The following ICA1L variants were observed in gnomAD, a reference collection of about 807,000 sequenced individuals.
ICA1L encodes islet cell autoantigen 1 like, also known as islet cell autoantigen 1-like protein.
A neutral mutation model predicts 61.3 loss-of-function variants in ICA1L; 50 were observed. The observed-to-expected ratio is 0.82, with a 90% CI of 0.65 to 1.03. The LOEUF (loss-of-function observed/expected upper bound fraction) is 1.03. Among genes scored for constraint, ICA1L ranks in the 50% least tolerant of loss-of-function variants. ICA1L has a pLI of 0.00. For synonymous variants in ICA1L, 161 were observed against 191.3 expected (o/e 0.84, Z 1.31); for missense variants, 508 against 556.7 (o/e 0.91, Z 0.88).
At chr2:202,866,896 G>A (rs1490781155) in intron 1 of ICA1L, among the ~76,000 whole-genome samples, 29 of 152,104 alleles carry the variant, frequency 1.9e-4, no homozygotes, top group African/African-American at 1.4e-4. Context: ...GCAGTGAGCC[G>A]AGATCGTGCC....
chr2:202,859,030 A>G (rs1694838384), intron 1 of ICA1L, among the ~76,000 whole-genome samples: 1 of 152,202 alleles, frequency 6.6e-6, no homozygotes, highest in South Asian at 2.1e-4. Context: ...CCGCCCATTA[A>G]TTCAGAAATG....
intron 7 of ICA1L, 41 bp downstream of exon 7, chr2:202,815,870 G>A (rs774631209): frequency 8.7e-7 from 1 of 1,149,864 alleles, no homozygotes; most frequent in Non-Finnish European, 1.2e-6. Flanking sequence ...CCCAAATGAA[G>A]AGTAATACAT....
At chr2:202,848,323 T>C (rs898926259) in intron 1 of ICA1L, among the ~76,000 whole-genome samples, 2 of 152,168 alleles carry the variant, frequency 1.3e-5, no homozygotes, top group Non-Finnish European at 2.9e-5. Flanking sequence ...AGGCCATTTT[T>C]TACCTATAAA....
chr2:202,786,699 C>G (rs1692596113), intron 11 of ICA1L: 1 of 453,650 alleles, frequency 2.2e-6, no homozygotes, highest in Non-Finnish European at 4.4e-6. Context: ...GATCCCATTC[C>G]TAGCAATTTT....
At position 202,778,311 on chromosome 2, in the gene ICA1L, G is replaced by C. The variant is rs758809340; in HGVS notation, c.*1222C>G. ...ACAGGAAATTGAGTGATTGATGTGTGTGTACGGTAGCTACGTTTTTATCAG... is the reference window on the plus strand; with the variant it reads ...ACAGGAAATTGAGTGATTGATGTGTCTGTACGGTAGCTACGTTTTTATCAG... On this transcript the variant is annotated 3_prime_UTR_variant, in exon 13 of 13. Transcript: ENST00000358299. 24 of 152,180 alleles carry C rather than the reference G, an allele frequency of 1.6e-4. No homozygotes were observed. Among genetic ancestry groups the C allele is most frequent in the Non-Finnish European group, 2.9e-4 (20 of 68,024 alleles). The allele number at this position is 152,180 out of a possible 1,614,324, so 9.4% of individuals were successfully genotyped here. A position where few individuals can be genotyped will look rare whatever the true frequency, so the allele number is the denominator to read the frequency against.
intron 1 of ICA1L, chr2:202,840,685 G>A (rs1306462873): frequency 3.3e-6 from 2 of 598,510 alleles, no homozygotes; most frequent in South Asian, 1.4e-5. Context: ...GCTACGCCAT[G>A]TCCTGCTTGG....
chr2:202,850,166 G>T (rs1694580440), intron 1 of ICA1L, among the ~76,000 whole-genome samples: 1 of 152,108 alleles, frequency 6.6e-6, no homozygotes, highest in South Asian at 2.1e-4. Flanking sequence ...ATCAAAGGTA[G>T]ATAAATCCAC....
At chr2:202,809,229 A>G (rs1030230490) in intron 9 of ICA1L, among the ~76,000 whole-genome samples, 2 of 152,002 alleles carry the variant, frequency 1.3e-5, no homozygotes, top group Non-Finnish European at 2.9e-5. Context: ...CAGAAATTCC[A>G]GAGTTGAAAA....
chr2:202,803,339 C>T (rs1217956444), intron 9 of ICA1L, among the ~76,000 whole-genome samples: 1 of 131,316 alleles, frequency 7.6e-6, no homozygotes, highest in East Asian at 2.5e-4. Context: ...AGGCAGAGGT[C>T]GTAGTGAGCT....
Position 202,774,675 on chromosome 2 carries a change from G to C in ICA1L, c.*4858C>G, listed in dbSNP as rs1022348395. ...CCTAAGACATGGGCAGGAGCCTTTG[G>C]GTCAGGGAGAAGCACACAAGAAAAA... On this transcript the variant is annotated 3_prime_UTR_variant, in exon 13 of 13. Coordinates refer to ENST00000358299, the MANE Select transcript of ICA1L (RefSeq NM_001288622.3). 1 of 197,814 alleles carries C rather than the reference G, an allele frequency of 5.1e-6. No individual in the cohort carries two copies. Among genetic ancestry groups the C allele is most frequent in the Non-Finnish European group, 1.0e-5 (1 of 98,314 alleles). The allele number at this position is 197,814 out of a possible 1,614,324, so 12.3% of individuals were successfully genotyped here. A position where few individuals can be genotyped will look rare whatever the true frequency, so the allele number is the denominator to read the frequency against.
chr2:202,808,765 AC>A (rs1235683837), intron 9 of ICA1L, among the ~76,000 whole-genome samples: 2 of 152,188 alleles, frequency 1.3e-5, no homozygotes, highest in East Asian at 3.9e-4. Flanking sequence ...CTTACCCAAG[AC>A]CACCACGGCA....
chr2:202,832,114 A>G (rs1574362843), intron 1 of ICA1L, among the ~76,000 whole-genome samples: 1 of 152,330 alleles, frequency 6.6e-6, no homozygotes, highest in East Asian at 1.9e-4. Flanking sequence ...ACCACTCCAG[A>G]GGAGACAGTT....
chr2:202,853,700 AAC>A (rs1429598733), intron 1 of ICA1L, among the ~76,000 whole-genome samples: 9 of 152,224 alleles, frequency 5.9e-5, no homozygotes, highest in African/African-American at 1.4e-4. Flanking sequence ...AAAGAATATG[AAC>A]ACACACTGCT....
intron 1 of ICA1L, among the ~76,000 whole-genome samples, chr2:202,869,134 C>G (rs1055039774): frequency 6.6e-6 from 1 of 151,492 alleles, no homozygotes; most frequent in Non-Finnish European, 1.5e-5. Flanking sequence ...CTGAGGCGGG[C>G]GGATCACGAG....
Position 202,775,936 on chromosome 2 carries a change from A to G in ICA1L, c.*3597T>C, listed in dbSNP as rs1016841930. 2 of 152,252 alleles carry G rather than the reference A, an allele frequency of 1.3e-5. No homozygotes were observed. Among genetic ancestry groups the G allele is most frequent in the Admixed American group, 6.5e-5 (1 of 15,284 alleles). The allele number at this position is 152,252 out of a possible 1,614,324, so 9.4% of individuals were successfully genotyped here. A position where few individuals can be genotyped will look rare whatever the true frequency, so the allele number is the denominator to read the frequency against. ...ACCCAAGTTTTTGAATAGGAAAACAATAATTGTACTAAAAACTTCAGGAAA... is the reference window on the plus strand; with the variant it reads ...ACCCAAGTTTTTGAATAGGAAAACAGTAATTGTACTAAAAACTTCAGGAAA... On this transcript the variant is annotated 3_prime_UTR_variant, in exon 13 of 13. Coordinates refer to ENST00000358299, the MANE Select transcript of ICA1L (RefSeq NM_001288622.3).
In ICA1L at chr2:202,854,799, G is replaced by A. The variant is rs1430138656; in HGVS notation, c.-8+16820C>T. Among the ~76,000 whole-genome samples the A allele has an allele frequency of 2.0e-5, 3 of 152,118 alleles. 1 individual carries two copies. Among genetic ancestry groups the A allele is most frequent in the Admixed American group, 1.3e-4 (2 of 15,264 alleles). ...TCCCAGCACTTTGGGAGGCCATGGC[G>A]GGCAGATCACAAGGTCAGGAGTTTG... is the stretch of plus-strand genomic sequence containing the variant. On this transcript the variant is annotated intron_variant, in intron 1 of 12. Transcript: ENST00000358299.
chr2:202,859,580 T>C (rs1694855828), intron 1 of ICA1L, among the ~76,000 whole-genome samples: 1 of 152,154 alleles, frequency 6.6e-6, no homozygotes, highest in Non-Finnish European at 1.5e-5. Context: ...GTAGAAAGAA[T>C]ATGGCAATTA....
chr2:202,863,333 T>G (rs1694972657), intron 1 of ICA1L, among the ~76,000 whole-genome samples: 1 of 151,980 alleles, frequency 6.6e-6, no homozygotes, highest in South Asian at 2.1e-4. Context: ...TTATCTATGC[T>G]TCCACCTTAA....
intron 12 of ICA1L, among the ~76,000 whole-genome samples, chr2:202,782,411 TGG>T (rs1692437166): frequency 6.6e-6 from 1 of 150,860 alleles, no homozygotes; most frequent in African/African-American, 2.4e-5. Context: ...GTTTTGTTTT[TGG>T]TTTTTTTTTT....
Sources: gnomAD v4.1 joint callset for allele counts (sites outside exome capture counted in the v4.1 genomes callset) on GRCh38, gnomAD v4.1.1 for gene constraint, MANE v1.5 for transcripts, NCBI Gene and HGNC (gene_info 2026-07-23, HGNC 2026-07-21) for gene names.